Variants in CADM2 observed in about 807,000 individuals in gnomAD.
CADM2 encodes the protein cell adhesion molecule 2.
In CADM2, 12 loss-of-function variants were observed where a neutral mutation model predicts 49.8. That is an observed-to-expected ratio of 0.24 (90% CI 0.15 to 0.39). The LOEUF (loss-of-function observed/expected upper bound fraction) is 0.39. CADM2 is among the 10% of genes least tolerant of loss of function. The pLI, the probability that CADM2 is intolerant of heterozygous loss-of-function variation, is 1.00. For missense variants in CADM2, 378 were observed against 492.3 expected, an observed-to-expected ratio of 0.77 and a Z score of 2.20; for synonymous variants, 214 against 175.4, an observed-to-expected ratio of 1.22 and a Z score of -1.74.
At chr3:85,918,073 T>C (rs983073417) in intron 6 of CADM2, among the ~76,000 whole-genome samples, 1 of 152,184 alleles carries the variant, frequency 6.6e-6, no homozygotes, top group Admixed American at 6.6e-5. Context: ...TGGGGTTTTC[T>C]AGATATACAA....
chr3:85,104,341 A>G (rs2038127974), intron 1 of CADM2, among the ~76,000 whole-genome samples: 1 of 151,742 alleles, frequency 6.6e-6, no homozygotes, highest in Admixed American at 6.6e-5. Context: ...CAGGTTTGTC[A>G]AAGATCAGAT....
chr3:85,430,473 G>A (rs537320035), intron 1 of CADM2, among the ~76,000 whole-genome samples: 7 of 152,024 alleles, frequency 4.6e-5, no homozygotes, highest in African/African-American at 1.4e-4. Flanking sequence ...ATCCATGATT[G>A]CACCACTGCA....
At chr3:85,476,264 T>C (rs989544976) in intron 1 of CADM2, among the ~76,000 whole-genome samples, 3 of 151,912 alleles carry the variant, frequency 2.0e-5, no homozygotes, top group Admixed American at 2.0e-4. Context: ...TCTTTATAAA[T>C]TGGGGAAGAG....
At chr3:85,960,080 A>G (rs1464526772) in intron 7 of CADM2, among the ~76,000 whole-genome samples, 1 of 151,866 alleles carries the variant, frequency 6.6e-6, no homozygotes, top group African/African-American at 2.4e-5. Context: ...GACAAAATAC[A>G]TATTTCTTAT....
At chr3:85,582,023 T>G (rs2107299848) in intron 1 of CADM2, among the ~76,000 whole-genome samples, 1 of 152,108 alleles carries the variant, frequency 6.6e-6, no homozygotes. Flanking sequence ...ACCTCCTGAG[T>G]TCAAGCAATT....
intron 3 of CADM2, among the ~76,000 whole-genome samples, chr3:85,810,559 A>G (rs79635808): frequency 3.5e-5 from 3 of 84,912 alleles, no homozygotes; most frequent in South Asian, 3.8e-4. Flanking sequence ...TTTTTTTTGG[A>G]GACTAAGTCT....
intron 1 of CADM2, among the ~76,000 whole-genome samples, chr3:85,271,916 T>C (rs933510348): frequency 6.6e-6 from 1 of 151,168 alleles, no homozygotes; most frequent in African/African-American, 2.4e-5. Flanking sequence ...TCAATAAATA[T>C]TCTAAAAACT....
rs548366403 is a variant in CADM2, at chr3:85,853,294, GCAACAAAAA to G, written c.239-29990_239-29982del. On this transcript the variant is annotated intron_variant, in intron 3 of 9. Coordinates refer to ENST00000383699, the MANE Select transcript of CADM2 (RefSeq NM_001167675.2). Reference sequence around the variant, plus strand: ...ATTAGAAACCAAGGGGTGGGGGGAAGCAACAAAAACAACAACAACAACAACACAAATAGA... The same window carrying G: ...ATTAGAAACCAAGGGGTGGGGGGAAGCAACAACAACAACAACACAAATAGA... Among the ~76,000 whole-genome samples the G allele has an allele frequency of 8.5e-4, 129 of 151,754 alleles. 3 individuals are homozygous for G. In the East Asian group the frequency reaches 0.013, roughly 15 times the overall value.
chr3:85,142,085 T>G (rs2039594159), intron 1 of CADM2, among the ~76,000 whole-genome samples: 1 of 152,240 alleles, frequency 6.6e-6, no homozygotes, highest in Admixed American at 6.5e-5. Flanking sequence ...CACTTCAAAG[T>G]GAGAAAGGTA....
At chr3:85,089,597 A>AT (rs2037516111) in intron 1 of CADM2, among the ~76,000 whole-genome samples, 2 of 152,214 alleles carry the variant, frequency 1.3e-5, no homozygotes, top group Non-Finnish European at 2.9e-5. Flanking sequence ...AGAGATTTCC[A>AT]TTTCAATTAT....
At chr3:85,528,742 AT>A (rs566276034) in intron 1 of CADM2, among the ~76,000 whole-genome samples, 229 of 152,318 alleles carry the variant, frequency 1.5e-3, no homozygotes, top group Non-Finnish European at 2.7e-3. Context: ...AAATGTTGAC[AT>A]TGGTGCCTCC....
Position 85,199,370 on chromosome 3 carries a change from T to TGAGAGAGAGAGAGAGAGAGAGA in CADM2, c.61+239722_61+239723insGAGAGAGAGAGAGAGAGAGAGA, listed in dbSNP as rs59939815. On this transcript the variant is annotated intron_variant, in intron 1 of 9. Coordinates refer to ENST00000383699, the MANE Select transcript of CADM2 (RefSeq NM_001167675.2). Reference sequence around the variant, plus strand: ...GTGTGTGTGTGTGTGTGTGTGTGTATGAGAGAGAGAGAGAGAGAGAAGCCC... The same window carrying TGAGAGAGAGAGAGAGAGAGAGA: ...GTGTGTGTGTGTGTGTGTGTGTGTATGAGAGAGAGAGAGAGAGAGAGAGAGAGAGAGAGAGAGAGAGAAGCCC... Among the ~76,000 whole-genome samples, 485 of 140,108 alleles carry TGAGAGAGAGAGAGAGAGAGAGA rather than the reference T, an allele frequency of 3.5e-3. 1 individual carries two copies. Among genetic ancestry groups the TGAGAGAGAGAGAGAGAGAGAGA allele is most frequent in the East Asian group, 8.0e-3 (39 of 4,856 alleles). 91.9% of individuals were successfully genotyped at this position (140,108 alleles called of 152,430 possible). A position where few individuals can be genotyped will look rare whatever the true frequency, so the allele number is the denominator to read the frequency against.
At chr3:85,185,243 A>G (rs928620202) in intron 1 of CADM2, among the ~76,000 whole-genome samples, 1 of 152,032 alleles carries the variant, frequency 6.6e-6, no homozygotes, top group African/African-American at 2.4e-5. Context: ...TCTTGGAAGG[A>G]ATCATCTATA....
intron 1 of CADM2, among the ~76,000 whole-genome samples, chr3:85,391,182 A>AAAAG (rs1247528964): frequency 6.6e-6 from 1 of 152,078 alleles, no homozygotes; most frequent in Non-Finnish European, 1.5e-5. Flanking sequence ...TAAAGGATAC[A>AAAAG]TTGGGTCTAT....
intron 7 of CADM2, among the ~76,000 whole-genome samples, chr3:85,957,657 C>T (rs949837628): frequency 2.0e-5 from 3 of 151,718 alleles, no homozygotes; most frequent in African/African-American, 7.3e-5. Context: ...AGATTGCCTC[C>T]CATTTCAGAT....
At chr3:85,099,554 C>A (rs1453283364) in intron 1 of CADM2, among the ~76,000 whole-genome samples, 4 of 150,934 alleles carry the variant, frequency 2.7e-5, no homozygotes, top group African/African-American at 4.9e-5. Context: ...ACTGCAACTT[C>A]CATCTCTCGG....
intron 1 of CADM2, among the ~76,000 whole-genome samples, chr3:85,284,455 A>C (rs765770386): frequency 3.9e-5 from 6 of 152,100 alleles, no homozygotes; most frequent in Non-Finnish European, 7.4e-5. Flanking sequence ...GAAAAATATC[A>C]GGATGGAAGT....
In CADM2 at chr3:85,049,443, C is replaced by G. The variant is rs149791938; in HGVS notation, c.61+89775C>G. Among the ~76,000 whole-genome samples the G allele has an allele frequency of 3.6e-3, 549 of 151,804 alleles. 2 individuals are homozygous for G. Among genetic ancestry groups the G allele is most frequent in the African/African-American group, 0.013 (528 of 41,320 alleles). On this transcript the variant is annotated intron_variant, in intron 1 of 9. Transcript: ENST00000383699. ...TCAGCTCACTGCAAGCTCCGCCTCC[C>G]GGGTTCACGCCATTCTCCTGCCTCA... is the stretch of plus-strand genomic sequence containing the variant.
chr3:85,891,170 G>A (rs1197016018), intron 5 of CADM2, among the ~76,000 whole-genome samples: 2 of 152,106 alleles, frequency 1.3e-5, no homozygotes, highest in African/African-American at 2.4e-5. Flanking sequence ...TTTCACTGCA[G>A]CCTTTAATCT....
Sources: gnomAD v4.1 joint callset for allele counts (sites outside exome capture counted in the v4.1 genomes callset) on GRCh38, gnomAD v4.1.1 for gene constraint, MANE v1.5 for transcripts, NCBI Gene and HGNC (gene_info 2026-07-23, HGNC 2026-07-21) for gene names.